CDK11B: variants seen among roughly 807,000 people sequenced by gnomAD.
The protein encoded by CDK11B is cyclin dependent kinase 11B, also known as cyclin-dependent kinase 11B.
In CDK11B, 37 loss-of-function variants were observed where a neutral mutation model predicts 84.0. The observed-to-expected ratio is 0.44, with a 90% CI of 0.34 to 0.58. CDK11B has a LOEUF of 0.58. Ranked by LOEUF, CDK11B falls within the 20% of genes least tolerant of loss-of-function variation. The probability of loss-of-function intolerance (pLI) is 0.02; values close to 1 mark genes in which losing one functional copy is unlikely to be tolerated. For synonymous variants in CDK11B, 269 were observed against 309.8 expected (o/e 0.87, Z 1.38); for missense variants, 427 against 834.0 (o/e 0.51, Z 6.01).
At chr1:1,640,618 C>CT (rs1359281556) in intron 10 of CDK11B, among the ~76,000 whole-genome samples, 166 bp from the exon 11 acceptor site, 5 of 151,988 alleles carry the variant, frequency 3.3e-5, no homozygotes, top group Non-Finnish European at 5.9e-5. Context: ...CCTAAGAGTG[C>CT]TGGCAGGCTC....
rs577116243 is a variant in CDK11B, at chr1:1,655,232, G to A, written c.227+137C>T. 5.3e-5 allele frequency: 58 copies of A among 1,092,718 alleles called. No individual in the cohort carries two copies. The African/African-American group carries it at 5.8e-4, about 11-fold the overall frequency. 67.7% of individuals were successfully genotyped at this position (1,092,718 alleles called of 1,614,324 possible). A position where few individuals can be genotyped will look rare whatever the true frequency, so the allele number is the denominator to read the frequency against. On this transcript the variant is annotated intron_variant, in intron 3 of 19. Transcript: ENST00000341832. ...GTGACATAAAAACCTCAATAGTTAC[G>A]CTATGTCACAGTAACTCTAGGAAAG...
intron 11 of CDK11B, among the ~76,000 whole-genome samples, chr1:1,639,166 C>G (rs530953997): frequency 2.0e-5 from 3 of 151,662 alleles, no homozygotes; most frequent in African/African-American, 7.3e-5. Context: ...GTCTCGAACT[C>G]CTGACCTCTG....
intron 4 of CDK11B, among the ~76,000 whole-genome samples, chr1:1,650,562 C>T (rs1301358276): frequency 2.0e-5 from 3 of 150,606 alleles, no homozygotes; most frequent in East Asian, 4.0e-4. Flanking sequence ...AGACGGGGTT[C>T]CACCATGTTA....
intron 1 of CDK11B, among the ~76,000 whole-genome samples, chr1:1,658,294 G>A (rs1001708798): frequency 6.7e-6 from 1 of 149,340 alleles, no homozygotes; most frequent in African/African-American, 2.5e-5. Context: ...AAGTGCGCTT[G>A]TGAACAGCCA....
chr1:1,637,322 G>C (rs1171571815), intron 14 of CDK11B, 86 bp downstream of exon 14: 19 of 1,568,198 alleles, frequency 1.2e-5, no homozygotes, highest in Non-Finnish European at 1.6e-5. Context: ...GATGCAGCTG[G>C]CCCTCCCTGC....
At chr1:1,653,958 G>A (rs1170063621) in intron 3 of CDK11B, among the ~76,000 whole-genome samples, 3 of 152,134 alleles carry the variant, frequency 2.0e-5, no homozygotes, top group South Asian at 2.1e-4. Flanking sequence ...GCAGTGAGCC[G>A]AGATCATGCC....
At chr1:1,658,768 G>A (rs904649102) in intron 1 of CDK11B, 146 bp downstream of exon 1, 2 of 151,930 alleles carry the variant, frequency 1.3e-5, no homozygotes, top group South Asian at 1.8e-4. Flanking sequence ...CCAAAGTTCC[G>A]TGCGGGATGA....
rs139220282 is a variant in CDK11B, at chr1:1,636,706, G to A, written c.1893C>T (p.Ile631=). The change falls in exon 17 of 20, where the codon ATC becomes ATT. Residue 631 remains isoleucine, a synonymous_variant. Coordinates refer to ENST00000341832, the MANE Select transcript of CDK11B (RefSeq NM_033486.3). The stretch of plus-strand genomic sequence containing the variant: ...CCTTGAACACCTTGTTGATCTGATC[G>A]ATTTCTGACTTCCCGGGGAACAGAG... ...QKPLFPGKSE[I]DQINKVFKDL... The A allele has an allele frequency of 1.9e-5, 31 of 1,613,964 alleles. No homozygotes were observed. Among genetic ancestry groups the A allele is most frequent in the South Asian group, 7.7e-5 (7 of 91,086 alleles).
At chr1:1,653,784 G>C (rs1642325813) in intron 3 of CDK11B, among the ~76,000 whole-genome samples, 1 of 150,732 alleles carries the variant, frequency 6.6e-6, no homozygotes, top group Non-Finnish European at 1.5e-5. Context: ...AGGAGTTCAA[G>C]ACCAGTGTGA....
rs1639174469 is a variant in CDK11B, at chr1:1,635,572, G to A, written c.*192C>T. 11 of 496,942 alleles carry A rather than the reference G, an allele frequency of 2.2e-5. 3 individuals carry two copies. Among genetic ancestry groups the A allele is most frequent in the South Asian group, 2.0e-4 (9 of 44,282 alleles). 30.8% of individuals were successfully genotyped at this position (496,942 alleles called of 1,614,324 possible). On this transcript the variant is annotated 3_prime_UTR_variant, in exon 20 of 20. Coordinates refer to ENST00000341832, the MANE Select transcript of CDK11B (RefSeq NM_033486.3). ...CCCTCTCCGCCCTGGGCAAGTCACG[G>A]AGAAAACACAGCTCTTTCCTCCACA...
rs1320584862 is a variant in CDK11B, at chr1:1,654,901, G to A, written c.227+468C>T. Among the ~76,000 whole-genome samples, 23 of 151,156 alleles carry A rather than the reference G, an allele frequency of 1.5e-4. No homozygotes were observed. In the East Asian group the frequency reaches 1.6e-3, roughly 10 times the overall value. On this transcript the variant is annotated intron_variant, in intron 3 of 19. Coordinates refer to ENST00000341832, the MANE Select transcript of CDK11B (RefSeq NM_033486.3). ...TCTTGATCTTCTGACCTTGTGATCCGCCCACCTCGGCCTCCCAAAGTGCTG... is the reference window on the plus strand; with the variant it reads ...TCTTGATCTTCTGACCTTGTGATCCACCCACCTCGGCCTCCCAAAGTGCTG...
rs780000644 is a variant in CDK11B at position 1,637,070 on chromosome 1, G to A, written c.1692+11C>T. ...GTCTCCCTGGGATGGGCCACTCGGAGGGGGGCTCACCTTGAGGATGCCGGC... is the reference window on the plus strand; with the variant it reads ...GTCTCCCTGGGATGGGCCACTCGGAAGGGGGCTCACCTTGAGGATGCCGGC... On this transcript the variant is annotated intron_variant, in intron 15 of 19. Transcript: ENST00000341832. 6.8e-6 allele frequency: 11 copies of A among 1,613,412 alleles called. No individual in the cohort carries two copies. In the Admixed American group the frequency reaches 1.0e-4, roughly 15 times the overall value.
intron 3 of CDK11B, among the ~76,000 whole-genome samples, chr1:1,653,794 A>C (rs1327894312): frequency 6.7e-6 from 1 of 150,166 alleles, no homozygotes; most frequent in Admixed American, 6.7e-5. Flanking sequence ...GACCAGTGTG[A>C]CCACACAGTG....
chr1:1,637,014 C>A lies in CDK11B; in HGVS notation c.1693-10G>T. ...GCCCGAAGTCACCCACCTGCAACGACAGATGGGCGGCTGTGAGTGGGCCCC... is the reference window on the plus strand; with the variant it reads ...GCCCGAAGTCACCCACCTGCAACGAAAGATGGGCGGCTGTGAGTGGGCCCC... On this transcript the variant is annotated splice_polypyrimidine_tract_variant and intron_variant, in intron 15 of 19. Coordinates refer to ENST00000341832, the MANE Select transcript of CDK11B (RefSeq NM_033486.3). The A allele has an allele frequency of 1.2e-6, 2 of 1,612,914 alleles. No individual in the cohort carries two copies. Among genetic ancestry groups the A allele is most frequent in the Admixed American group, 1.7e-5 (1 of 59,982 alleles).
At chr1:1,637,992 C>G in intron 12 of CDK11B, 109 bp from the exon 13 acceptor site, 2 of 1,526,146 alleles carry the variant, frequency 1.3e-6, no homozygotes, top group South Asian at 1.2e-5. Context: ...CAGCATTTCA[C>G]GGAGGGGGGT....
intron 9 of CDK11B, among the ~76,000 whole-genome samples, chr1:1,641,328 G>C (rs867395764): frequency 1.6e-4 from 23 of 147,512 alleles, no homozygotes; most frequent in Non-Finnish European, 2.8e-4. Context: ...GGCCAACGTG[G>C]TGAAACCCCG....
chr1:1,657,475 T>C lies in CDK11B; in HGVS notation c.11A>G (p.Glu4Gly), dbSNP rs1642910937. 1 of 1,539,154 alleles carries C rather than the reference T, an allele frequency of 6.5e-7. No individual in the cohort carries two copies. Among genetic ancestry groups the C allele is most frequent in the African/African-American group, 1.4e-5 (1 of 71,818 alleles). The change falls in exon 2 of 20, where the codon GAA becomes GGA. Residue 4 changes from glutamate (E) to glycine (G), a missense_variant. Physicochemically the swap from Glu to Gly is moderately conservative, Grantham distance 98. Transcript: ENST00000341832. MGD[E>G]KDSWKVKTLD... Reference sequence around the variant, plus strand: ...AGTTTTCACTTTCCAAGAGTCCTTTTCATCACCCATTTGAGTTAAAACACT... The same window carrying C: ...AGTTTTCACTTTCCAAGAGTCCTTTCCATCACCCATTTGAGTTAAAACACT...
chr1:1,640,248 A>G, intron 11 of CDK11B, 29 bp downstream of exon 11: 1 of 1,610,716 alleles, frequency 6.2e-7, no homozygotes. Flanking sequence ...CAATGCGGAC[A>G]GTGGCCCGGG....
At position 1,636,672 on chromosome 1, in the gene CDK11B, C is replaced by A; in HGVS notation, c.1917+10G>T. On this transcript the variant is annotated intron_variant, in intron 17 of 19. Coordinates refer to ENST00000341832, the MANE Select transcript of CDK11B (RefSeq NM_033486.3). ...ACCCCACAGCGCACCTGCAGCAGGG[C>A]CAGACCCACCTTGAACACCTTGTTG... The A allele has an allele frequency of 1.2e-6, 2 of 1,613,872 alleles. No individual in the cohort carries two copies. The highest frequency in any genetic ancestry group is 1.7e-6 in the Non-Finnish European group (2 of 1,179,782).
Sources: allele counts gnomAD v4.1 joint callset (sites outside exome capture counted in the v4.1 genomes callset), GRCh38; gene constraint gnomAD v4.1.1; transcripts MANE v1.5; gene names NCBI Gene and HGNC (gene_info 2026-07-23, HGNC 2026-07-21).